SNX6: variants seen among roughly 807,000 people sequenced by gnomAD.
SNX6 encodes the protein sorting nexin 6.
SNX6 carries 34 observed loss-of-function variants against 63.0 expected under a neutral mutation model. The ratio of observed to expected loss-of-function variants is 0.54; its 90% CI spans 0.41 to 0.72. The LOEUF (loss-of-function observed/expected upper bound fraction) is 0.72, where lower values mean the gene tolerates loss of function less well. Ranked by LOEUF, SNX6 falls within the 30% of genes least tolerant of loss-of-function variation. The pLI is 0.00. For missense variants in SNX6, 398 were observed against 471.4 expected, an observed-to-expected ratio of 0.84 and a Z score of 1.44; for synonymous variants, 170 against 164.2, an observed-to-expected ratio of 1.04 and a Z score of -0.27.
intron 10 of SNX6, among the ~76,000 whole-genome samples, chr14:34,576,630 G>T (rs1881719422): frequency 6.6e-6 from 1 of 151,386 alleles, no homozygotes; most frequent in Non-Finnish European, 1.5e-5. Flanking sequence ...TGTATTTTTA[G>T]TAGAGGTGGG....
intron 10 of SNX6, among the ~76,000 whole-genome samples, chr14:34,577,055 A>G (rs969640347): frequency 2.6e-5 from 4 of 151,924 alleles, no homozygotes; most frequent in African/African-American, 7.3e-5. Flanking sequence ...GTCTCAAAAA[A>G]CAAAAAACAA....
At position 34,602,852 on chromosome 14, in the gene SNX6, T is replaced by C. The variant is rs867411394; in HGVS notation, c.516+496A>G. Among the ~76,000 whole-genome samples, 786 of 150,064 alleles carry C rather than the reference T, an allele frequency of 5.2e-3. 3 individuals carry two copies. The highest frequency in any genetic ancestry group is 0.018 in the African/African-American group (743 of 40,800). On this transcript the variant is annotated intron_variant, in intron 6 of 13. Coordinates refer to ENST00000362031, the MANE Select transcript of SNX6 (RefSeq NM_152233.4). ...TTAGCAGGGCATAGTGGCGGGCGCC[T>C]GTAGTCCCAGCTACTCGGGAGGCTG...
At chr14:34,610,878 C>T (rs1198289949) in intron 2 of SNX6, among the ~76,000 whole-genome samples, 2 of 152,156 alleles carry the variant, frequency 1.3e-5, no homozygotes, top group Non-Finnish European at 2.9e-5. Context: ...TAGAGAATCT[C>T]ACCTGGTCAT....
At chr14:34,601,460 G>A (rs924775010) in intron 6 of SNX6, among the ~76,000 whole-genome samples, 1 of 151,446 alleles carries the variant, frequency 6.6e-6, no homozygotes, top group Non-Finnish European at 1.5e-5. Flanking sequence ...TCCTGACCTC[G>A]TGATCCGCCC....
chr14:34,565,080 T>C (rs1881110212), intron 13 of SNX6, among the ~76,000 whole-genome samples: 1 of 146,026 alleles, frequency 6.8e-6, no homozygotes, highest in Admixed American at 6.8e-5. Context: ...GTCATGACTT[T>C]TTTTTTTTTT....
chr14:34,605,617 T>C lies in SNX6; in HGVS notation c.371A>G (p.Lys124Arg). ...EGSMTKEEFT[K>R]MKQELEAEYL... Reference sequence around the variant, plus strand: ...TTACGCTTCCAGTTCCTGTTTCATCTTTGTGAATTCTTCCTTCGTCATTGA... The same window carrying C: ...TTACGCTTCCAGTTCCTGTTTCATCCTTGTGAATTCTTCCTTCGTCATTGA... Residue 124 changes from lysine (K) to arginine (R), a missense_variant, in exon 5 of 14, where the codon AAG (lysine) becomes AGG (arginine). Coordinates refer to ENST00000362031, the MANE Select transcript of SNX6 (RefSeq NM_152233.4). 6.3e-7 allele frequency: 1 copy of C among 1,591,372 alleles called. No individual in the cohort carries two copies. Among genetic ancestry groups the C allele is most frequent in the Non-Finnish European group, 8.5e-7 (1 of 1,172,430 alleles).
At chr14:34,579,372 C>T (rs1275044587) in intron 10 of SNX6, among the ~76,000 whole-genome samples, 1 of 152,068 alleles carries the variant, frequency 6.6e-6, no homozygotes, top group Non-Finnish European at 1.5e-5. Flanking sequence ...AATCCCAATG[C>T]TTTGAAGGGT....
intron 9 of SNX6, among the ~76,000 whole-genome samples, chr14:34,585,828 C>T (rs1166828500): frequency 1.3e-5 from 2 of 151,990 alleles, no homozygotes; most frequent in African/African-American, 4.8e-5. Context: ...TCTTGAACTC[C>T]GGACCTCAGG....
intron 13 of SNX6, among the ~76,000 whole-genome samples, chr14:34,563,558 C>CA (rs534547624): frequency 0.089 from 7,407 of 83,190 alleles, 277 homozygotes; most frequent in African/African-American, 0.19. Context: ...GACTGCGTCT[C>CA]AAAAAAAAAA....
At chr14:34,563,804 TCTCAGGTCA>T (rs1566459794) in intron 13 of SNX6, among the ~76,000 whole-genome samples, 1 of 152,114 alleles carries the variant, frequency 6.6e-6, no homozygotes, top group Non-Finnish European at 1.5e-5. Context: ...AATGGCACCA[TCTCAGGTCA>T]CTGTAACCTC....
At chr14:34,566,291 C>T (rs1881180275) in intron 13 of SNX6, among the ~76,000 whole-genome samples, 1 of 152,172 alleles carries the variant, frequency 6.6e-6, no homozygotes, top group Non-Finnish European at 1.5e-5. Flanking sequence ...TTGGCTCACG[C>T]AGCCTCTGCC....
At chr14:34,601,013 C>CAA (rs1264761564) in intron 6 of SNX6, among the ~76,000 whole-genome samples, 58 of 121,186 alleles carry the variant, frequency 4.8e-4, no homozygotes, top group African/African-American at 1.5e-3. Context: ...GACTCTGCCT[C>CAA]AAAAAAAAAA....
chr14:34,601,707 G>A (rs1032468253), intron 6 of SNX6, among the ~76,000 whole-genome samples: 1 of 151,792 alleles, frequency 6.6e-6, no homozygotes, highest in Non-Finnish European at 1.5e-5. Flanking sequence ...TGATTCTCCT[G>A]TCTTAGCCTC....
At chr14:34,628,653 G>C (rs1883921323) in intron 2 of SNX6, among the ~76,000 whole-genome samples, 1 of 152,040 alleles carries the variant, frequency 6.6e-6, no homozygotes, top group Admixed American at 6.6e-5. Flanking sequence ...ATAAATAAAA[G>C]TTTTATAAAA....
At chr14:34,569,420 TG>T (rs1881339451) in intron 11 of SNX6, among the ~76,000 whole-genome samples, 1 of 150,794 alleles carries the variant, frequency 6.6e-6, no homozygotes. Context: ...ATTCTGGACA[TG>T]TTTTTTTTTT....
chr14:34,606,554 G>A (rs1345715903), intron 4 of SNX6, among the ~76,000 whole-genome samples: 1 of 151,660 alleles, frequency 6.6e-6, no homozygotes, highest in Non-Finnish European at 1.5e-5. Context: ...CTGGGTTCAA[G>A]TGATTCTCCT....
chr14:34,624,143 C>T (rs1206368643), intron 2 of SNX6, among the ~76,000 whole-genome samples: 1 of 152,126 alleles, frequency 6.6e-6, no homozygotes, highest in South Asian at 2.1e-4. Context: ...TCTTGTCGCC[C>T]AGGCTGGAGT....
intron 6 of SNX6, among the ~76,000 whole-genome samples, chr14:34,598,558 T>C (rs1483811133): frequency 2.0e-5 from 3 of 152,132 alleles, no homozygotes; most frequent in African/African-American, 4.8e-5. Flanking sequence ...TGCCCAACTA[T>C]TTTTAATAGA....
chr14:34,601,081 G>T (rs1463221246), intron 6 of SNX6, among the ~76,000 whole-genome samples: 16 of 152,084 alleles, frequency 1.1e-4, no homozygotes, highest in Admixed American at 1.0e-3. Flanking sequence ...CCAATGGTCA[G>T]TTAAACAGAT....
Sources: allele counts gnomAD v4.1 joint callset (sites outside exome capture counted in the v4.1 genomes callset), GRCh38; gene constraint gnomAD v4.1.1; transcripts MANE v1.5; gene names NCBI Gene and HGNC (gene_info 2026-07-23, HGNC 2026-07-21).